The following QKI variants were observed in gnomAD, a reference collection of about 807,000 sequenced individuals.
QKI encodes the protein QKI, KH domain containing RNA binding.
In QKI, 10 loss-of-function variants were observed where a neutral mutation model predicts 39.0. The observed-to-expected ratio is 0.26, with a 90% CI of 0.16 to 0.43. The LOEUF is 0.43. QKI is among the 20% of genes least tolerant of loss of function. The pLI, the probability that QKI is intolerant of heterozygous loss-of-function variation, is 1.00. For synonymous variants in QKI, 204 were observed against 155.4 expected (o/e 1.31, Z -2.33); for missense variants, 218 against 428.0 (o/e 0.51, Z 4.33).
intron 3 of QKI, among the ~76,000 whole-genome samples, chr6:163,516,082 G>T (rs527901703): frequency 6.6e-6 from 1 of 152,116 alleles, no homozygotes. Flanking sequence ...ATTCTAGGAT[G>T]TTAAGGTAAA....
At chr6:163,520,133 A>G (rs1780059963) in intron 3 of QKI, among the ~76,000 whole-genome samples, 1 of 152,156 alleles carries the variant, frequency 6.6e-6, no homozygotes, top group African/African-American at 2.4e-5. Context: ...TCAATTTAGC[A>G]CCATGTCTCT....
intron 6 of QKI, chr6:163,564,756 C>T (rs767973839): frequency 3.7e-6 from 6 of 1,613,554 alleles, no homozygotes; most frequent in Non-Finnish European, 4.2e-6. Context: ...ATAACACGAC[C>T]AGTCAATGTG....
chr6:163,509,481 G>T (rs914795842), intron 3 of QKI, among the ~76,000 whole-genome samples: 1 of 151,174 alleles, frequency 6.6e-6, no homozygotes, highest in African/African-American at 2.4e-5. Context: ...TTAATAAAGG[G>T]GGGGGGGAAT....
chr6:163,455,172 GT>G, intron 1 of QKI, 106 bp from the exon 2 acceptor site: 1 of 849,112 alleles, frequency 1.2e-6, no homozygotes. Flanking sequence ...CCTTATTTGA[GT>G]TTTAATGCTT....
At position 163,575,748 on chromosome 6, in the gene QKI, G is replaced by A. The variant is rs1583246042; in HGVS notation, c.*5038G>A. 6.6e-6 allele frequency: 1 copy of A among 152,078 alleles called. No homozygotes were observed. The highest frequency in any genetic ancestry group is 6.5e-5 in the Admixed American group (1 of 15,268). The allele number at this position is 152,078 out of a possible 1,614,324, so 9.4% of individuals were successfully genotyped here. A position where few individuals can be genotyped will look rare whatever the true frequency, so the allele number is the denominator to read the frequency against. Reference sequence around the variant, plus strand: ...ATTTTTTAGTGTGCCAAAAGCAAACGATAGGTTTAAATGAAATTGCTCACT... The same window carrying A: ...ATTTTTTAGTGTGCCAAAAGCAAACAATAGGTTTAAATGAAATTGCTCACT... On this transcript the variant is annotated 3_prime_UTR_variant, in exon 8 of 8. Transcript: ENST00000361752.
chr6:163,559,015 C>T (rs1782823831), intron 4 of QKI, among the ~76,000 whole-genome samples: 1 of 152,202 alleles, frequency 6.6e-6, no homozygotes, highest in Non-Finnish European at 1.5e-5. Context: ...CTGCACCCTG[C>T]ACATTACACA....
chr6:163,558,150 A>T (rs1782755207), intron 4 of QKI, among the ~76,000 whole-genome samples: 1 of 152,220 alleles, frequency 6.6e-6, no homozygotes, highest in South Asian at 2.1e-4. Context: ...TTTTTGAGAA[A>T]AAAAGAGGTC....
intron 4 of QKI, among the ~76,000 whole-genome samples, chr6:163,539,173 G>T (rs1417735704): frequency 1.3e-5 from 2 of 152,156 alleles, no homozygotes; most frequent in Non-Finnish European, 2.9e-5. Flanking sequence ...GCAAGGGAGA[G>T]CAAAGCGGGG....
Position 163,571,151 on chromosome 6 carries a change from A to T in QKI, c.*441A>T, listed in dbSNP as rs572295308. The T allele has an allele frequency of 1.3e-5, 2 of 154,052 alleles. No homozygotes were observed. 9.5% of individuals were successfully genotyped at this position (154,052 alleles called of 1,614,324 possible). On this transcript the variant is annotated 3_prime_UTR_variant, in exon 8 of 8. Transcript: ENST00000361752. ...CGAAGTCAAAGCTCTCTCTGAATGT[A>T]CTGTGTGATGATGCATCATGCATGA... is the stretch of plus-strand genomic sequence containing the variant.
chr6:163,476,410 ATTGT>A (rs1226776992), intron 2 of QKI, among the ~76,000 whole-genome samples: 2 of 151,764 alleles, frequency 1.3e-5, no homozygotes, highest in African/African-American at 2.4e-5. Flanking sequence ...TTTGGTGAAC[ATTGT>A]TTAAGTGTGA....
chr6:163,477,618 G>A (rs1792721472), intron 2 of QKI, among the ~76,000 whole-genome samples: 1 of 152,152 alleles, frequency 6.6e-6, no homozygotes, highest in South Asian at 2.1e-4. Context: ...GGATCTTGAA[G>A]AGCTAAATTA....
At chr6:163,567,053 G>A (rs1783406946) in intron 7 of QKI, 1 of 1,097,812 alleles carries the variant, frequency 9.1e-7, no homozygotes, top group Non-Finnish European at 1.1e-6. Flanking sequence ...ACATAAATTA[G>A]TCAATTTGGG....
At chr6:163,551,330 C>G (rs1484158405) in intron 4 of QKI, among the ~76,000 whole-genome samples, 1 of 152,176 alleles carries the variant, frequency 6.6e-6, no homozygotes, top group Non-Finnish European at 1.5e-5. Context: ...TTAGGTCCCA[C>G]AGGTTGAGGG....
chr6:163,577,098 T>A lies in QKI; in HGVS notation c.*6388T>A, dbSNP rs1777623701. ...GAACAGAATTGGTTTATTAAAAAAA[T>A]CATTTCCAGTAGTGTGAAACCTTTA... On this transcript the variant is annotated 3_prime_UTR_variant, in exon 8 of 8. Transcript: ENST00000361752. The A allele has an allele frequency of 6.6e-6, 1 of 152,210 alleles. No individual in the cohort carries two copies. The highest frequency in any genetic ancestry group is 1.5e-5 in the Non-Finnish European group (1 of 68,038). 9.4% of individuals were successfully genotyped at this position (152,210 alleles called of 1,614,324 possible). A position where few individuals can be genotyped will look rare whatever the true frequency, so the allele number is the denominator to read the frequency against.
chr6:163,503,703 C>T (rs1778922816), intron 3 of QKI, among the ~76,000 whole-genome samples: 1 of 151,892 alleles, frequency 6.6e-6, no homozygotes, highest in South Asian at 2.1e-4. Flanking sequence ...AGTTTGAGGT[C>T]TTACATTTTA....
chr6:163,448,565 T>TA (rs940784679), intron 1 of QKI, among the ~76,000 whole-genome samples: 71 of 146,188 alleles, frequency 4.9e-4, no homozygotes, highest in Middle Eastern at 7.0e-3. Context: ...CCGTGTCTAC[T>TA]AAAAAAAAAA....
At chr6:163,551,149 A>C (rs1353451180) in intron 4 of QKI, among the ~76,000 whole-genome samples, 1 of 152,192 alleles carries the variant, frequency 6.6e-6, no homozygotes, top group Admixed American at 6.5e-5. Flanking sequence ...AGTTTCTCCT[A>C]CTATACTCTC....
At chr6:163,529,766 A>G (rs976349204) in intron 3 of QKI, among the ~76,000 whole-genome samples, 2 of 152,220 alleles carry the variant, frequency 1.3e-5, no homozygotes, top group Non-Finnish European at 2.9e-5. Flanking sequence ...TCAAAGCACA[A>G]GTAAGCCATG....
chr6:163,424,518 T>G (rs1204984333), intron 1 of QKI, among the ~76,000 whole-genome samples: 3 of 152,246 alleles, frequency 2.0e-5, no homozygotes, highest in Non-Finnish European at 2.9e-5. Flanking sequence ...ACCTCAAGCT[T>G]CTTCATCTGT....
Sources: gnomAD v4.1 joint callset for allele counts (sites outside exome capture counted in the v4.1 genomes callset) on GRCh38, gnomAD v4.1.1 for gene constraint, MANE v1.5 for transcripts, NCBI Gene and HGNC (gene_info 2026-07-23, HGNC 2026-07-21) for gene names.